SLC22A23: variants seen among roughly 807,000 people sequenced by gnomAD.
SLC22A23 encodes solute carrier family 22 member 23.
A neutral mutation model predicts 61.0 loss-of-function variants in SLC22A23; 26 were observed. That is an observed-to-expected ratio of 0.43 (90% CI 0.31 to 0.59). SLC22A23 has a LOEUF of 0.59. SLC22A23 is among the 20% of genes least tolerant of loss of function. SLC22A23 has a pLI of 0.11. For missense variants in SLC22A23, 796 were observed against 934.7 expected (o/e 0.85, Z 1.94); for synonymous variants, 430 against 413.9 (o/e 1.04, Z -0.47).
chr6:3,422,830 G>A (rs1770234898), intron 1 of SLC22A23, among the ~76,000 whole-genome samples: 1 of 152,126 alleles, frequency 6.6e-6, no homozygotes, highest in East Asian at 1.9e-4. Flanking sequence ...ACATTGAGGG[G>A]AATAGCCGGG....
chr6:3,404,043 A>C (rs1022749887), intron 3 of SLC22A23, among the ~76,000 whole-genome samples: 3 of 152,194 alleles, frequency 2.0e-5, no homozygotes, highest in African/African-American at 7.2e-5. Context: ...GTTTCAAATG[A>C]AGCACAGACA....
In SLC22A23 at chr6:3,285,134, A is replaced by G. The variant is rs777308978; in HGVS notation, c.1547-23T>C. On this transcript the variant is annotated intron_variant, in intron 7 of 9. Coordinates refer to ENST00000406686, the MANE Select transcript of SLC22A23 (RefSeq NM_015482.2). The stretch of plus-strand genomic sequence containing the variant: ...TCACTGGACCCGCAGACATGATCGC[A>G]CCCACACGGACAAGGGCCAAGCAAG... The G allele has an allele frequency of 1.9e-6, 3 of 1,612,922 alleles. No homozygotes were observed. In the African/African-American group the frequency reaches 4.0e-5, roughly 22 times the overall value.
chr6:3,395,980 G>A (rs1329837085), intron 3 of SLC22A23, among the ~76,000 whole-genome samples: 17 of 152,182 alleles, frequency 1.1e-4, no homozygotes, highest in Admixed American at 1.1e-3. Context: ...CTTACAAGAT[G>A]ATTGTACACA....
chr6:3,414,691 T>C lies in SLC22A23; in HGVS notation c.758+1061A>G, dbSNP rs1435192865. On this transcript the variant is annotated intron_variant, in intron 2 of 9. Transcript: ENST00000406686. This position sits in a 1 kb window ranked among gnomAD's most constrained non-coding sequence, Gnocchi z 5.1. Reference sequence around the variant, plus strand: ...TGTTCCATATCACTCTGGGCCCTTATTTCCTCAAGGCCAAGATGTCTCGAT... The same window carrying C: ...TGTTCCATATCACTCTGGGCCCTTACTTCCTCAAGGCCAAGATGTCTCGAT... Among the ~76,000 whole-genome samples the C allele has an allele frequency of 2.0e-5, 3 of 148,644 alleles. No homozygotes were observed. The East Asian group carries it at 5.9e-4, about 29-fold the overall frequency.
intron 1 of SLC22A23, 23 bp downstream of exon 1, chr6:3,455,883 G>C (rs1326466125): frequency 4.7e-6 from 7 of 1,478,462 alleles, no homozygotes; most frequent in East Asian, 5.0e-5. Context: ...GGGTTGGAGG[G>C]ACTGGGCGGC....
At chr6:3,361,296 CTT>C (rs60401285) in intron 3 of SLC22A23, among the ~76,000 whole-genome samples, 101,189 of 144,930 alleles carry the variant, frequency 0.7, 35,363 homozygotes, top group East Asian at 0.84. Context: ...CTACATCATT[CTT>C]TTTTTTTTTT....
intron 1 of SLC22A23, chr6:3,439,198 G>C: frequency 2.8e-6 from 1 of 362,676 alleles, no homozygotes. Context: ...TACCCACCAG[G>C]CGCCAGTAGC....
In SLC22A23 at chr6:3,273,370, G is replaced by A; in HGVS notation, c.1746C>T (p.Gly582=). 1 of 1,613,048 alleles carries A rather than the reference G, an allele frequency of 6.2e-7. No individual in the cohort carries two copies. The highest frequency in any genetic ancestry group is 8.5e-7 in the Non-Finnish European group (1 of 1,179,862). The change falls in exon 10 of 10, where the codon GGC becomes GGT. Residue 582 remains glycine (G), a synonymous_variant. Coordinates refer to ENST00000406686, the MANE Select transcript of SLC22A23 (RefSeq NM_015482.2). The part of the protein sequence containing the change: ...LGLVLASAGF[G]MLTAPIIELH... ...GCTCGATGATGGGTGCCGTCAGCAT[G>A]CCGAAGCCCGCGCTGGCCAGCACCA...
At chr6:3,274,941 T>A (rs965153911) in intron 9 of SLC22A23, among the ~76,000 whole-genome samples, 5 of 149,284 alleles carry the variant, frequency 3.3e-5, no homozygotes, top group Non-Finnish European at 5.9e-5. Context: ...ATAATCCCTA[T>A]CAAAATTCCA....
chr6:3,425,716 C>T (rs1479406934), intron 1 of SLC22A23, among the ~76,000 whole-genome samples: 1 of 152,166 alleles, frequency 6.6e-6, no homozygotes, highest in East Asian at 1.9e-4. Flanking sequence ...ACTAAGCACC[C>T]TGACAGCACA....
intron 1 of SLC22A23, among the ~76,000 whole-genome samples, chr6:3,436,168 T>C (rs1280999909): frequency 6.6e-6 from 1 of 152,140 alleles, no homozygotes; most frequent in African/African-American, 2.4e-5. Flanking sequence ...CTTTTTTTTT[T>C]TGAGACGGAG....
chr6:3,405,744 G>A (rs1019442419), intron 3 of SLC22A23, among the ~76,000 whole-genome samples: 3 of 151,904 alleles, frequency 2.0e-5, no homozygotes, highest in Non-Finnish European at 4.4e-5. Context: ...GGGATAGTGA[G>A]AAAGAAAAAG....
chr6:3,282,119 G>C, intron 9 of SLC22A23: 1 of 684,152 alleles, frequency 1.5e-6, no homozygotes, highest in East Asian at 2.7e-5. Flanking sequence ...TCATGCAAAG[G>C]CTGCAGGAGG....
Position 3,324,044 on chromosome 6 carries a change from C to T in SLC22A23, c.914-42G>A, listed in dbSNP as rs774965738. On this transcript the variant is annotated intron_variant, in intron 3 of 9. Transcript: ENST00000406686. The surrounding 1 kb of genome is among the most constrained non-coding windows in gnomAD (Gnocchi z 4.3). ...ATGAGAGAGAGATGAGTGCCCTGCT[C>T]GACAGCCCGAGAAGTCCTGGGTGCA... 1.8e-5 allele frequency: 28 copies of T among 1,598,958 alleles called. No individual in the cohort carries two copies. Among genetic ancestry groups the T allele is most frequent in the Middle Eastern group, 1.7e-4 (1 of 6,012 alleles).
intron 9 of SLC22A23, among the ~76,000 whole-genome samples, chr6:3,280,747 C>T (rs1188764860): frequency 1.2e-4 from 18 of 152,168 alleles, no homozygotes; most frequent in Non-Finnish European, 2.2e-4. Flanking sequence ...CTGCCCGCCT[C>T]AGCCTCCCAA....
intron 3 of SLC22A23, among the ~76,000 whole-genome samples, chr6:3,382,370 T>G (rs1159857134): frequency 6.6e-6 from 1 of 152,282 alleles, no homozygotes; most frequent in African/African-American, 2.4e-5. Context: ...CATAACATAC[T>G]GACCCTTAAG....
chr6:3,330,346 G>A lies in SLC22A23; in HGVS notation c.914-6344C>T, dbSNP rs778587191. Among the ~76,000 whole-genome samples, 2 of 152,190 alleles carry A rather than the reference G, an allele frequency of 1.3e-5. No individual in the cohort carries two copies. The highest frequency in any genetic ancestry group is 2.4e-5 in the African/African-American group (1 of 41,444). On this transcript the variant is annotated intron_variant, in intron 3 of 9. Transcript: ENST00000406686. This position sits in a 1 kb window ranked among gnomAD's most constrained non-coding sequence, Gnocchi z 4.7. ...GGCCCTAAGCTGCTGACACCCACCT[G>A]GAGACCACCACAGTCCTCTGAAGAC... is the stretch of plus-strand genomic sequence containing the variant.
At chr6:3,398,991 T>C (rs1768199917) in intron 3 of SLC22A23, among the ~76,000 whole-genome samples, 1 of 151,952 alleles carries the variant, frequency 6.6e-6, no homozygotes, top group African/African-American at 2.4e-5. Context: ...ACCGCACCAC[T>C]GCACTCCAGC....
intron 3 of SLC22A23, among the ~76,000 whole-genome samples, chr6:3,371,953 T>C (rs1310149317): frequency 6.6e-6 from 1 of 151,970 alleles, no homozygotes; most frequent in Non-Finnish European, 1.5e-5. Flanking sequence ...CAAGAGTATG[T>C]GTGTTTTGGA....
Sources: gnomAD v4.1 joint callset for allele counts (sites outside exome capture counted in the v4.1 genomes callset) on GRCh38, gnomAD v4.1.1 for gene constraint, Gnocchi (gnomAD v3.1) non-coding constraint, MANE v1.5 for transcripts, NCBI Gene and HGNC (gene_info 2026-07-23, HGNC 2026-07-21) for gene names.